The following SLC13A5 variants were observed in gnomAD, a reference collection of about 807,000 sequenced individuals.
SLC13A5 encodes Na(+)/citrate cotransporter.
A neutral mutation model predicts 56.5 loss-of-function variants in SLC13A5; 25 were observed. The ratio of observed to expected loss-of-function variants is 0.44; its 90% confidence interval spans 0.32 to 0.62. The LOEUF is 0.62. Ranked by LOEUF, SLC13A5 falls within the 20% of genes least tolerant of loss-of-function variation. The pLI, the probability that SLC13A5 is intolerant of heterozygous loss-of-function variation, is 0.04. For missense variants in SLC13A5, 649 were observed against 737.8 expected (o/e 0.88, Z 1.39); for synonymous variants, 307 against 301.5 (o/e 1.02, Z -0.19).
chr17:6,693,386 A>G (rs1973470557), intron 8 of SLC13A5: 1 of 424,448 alleles, frequency 2.4e-6, no homozygotes. Context: ...CACACTGCCA[A>G]TAGCATCGTA....
chr17:6,686,195 T>C lies in SLC13A5; in HGVS notation c.*12A>G. 1 of 1,614,112 alleles carries C rather than the reference T, an allele frequency of 6.2e-7. No individual in the cohort carries two copies. Among genetic ancestry groups the C allele is most frequent in the Non-Finnish European group, 8.5e-7 (1 of 1,179,972 alleles). On this transcript the variant is annotated 3_prime_UTR_variant, in exon 12 of 12. Coordinates refer to ENST00000433363, the MANE Select transcript of SLC13A5 (RefSeq NM_177550.5). Reference sequence around the variant, plus strand: ...GAGGGTAAGGGCTGTGTGTGTGGTCTTGTGGCTCTTCCTAAGTCTCAATAT... The same window carrying C: ...GAGGGTAAGGGCTGTGTGTGTGGTCCTGTGGCTCTTCCTAAGTCTCAATAT...
At position 6,692,972 on chromosome 17, in the gene SLC13A5, T is replaced by C; in HGVS notation, c.1275+72A>G. Reference sequence around the variant, plus strand: ...GCACAGAAACACACAAGCCCAGGGATGGAAGGGTGGAGAAACGCCACCCTC... The same window carrying C: ...GCACAGAAACACACAAGCCCAGGGACGGAAGGGTGGAGAAACGCCACCCTC... On this transcript the variant is annotated intron_variant, in intron 9 of 11. Transcript: ENST00000433363. This position sits in a 1 kb window ranked among gnomAD's most constrained non-coding sequence, Gnocchi z 5.5. The C allele has an allele frequency of 8.9e-7, 1 of 1,117,816 alleles. No homozygotes were observed. Among genetic ancestry groups the C allele is most frequent in the Non-Finnish European group, 1.4e-6 (1 of 727,458 alleles). 69.2% of individuals were successfully genotyped at this position (1,117,816 alleles called of 1,614,324 possible).
chr17:6,709,516 TCTCGGC>T lies in SLC13A5; in HGVS notation c.103-2366_103-2361del, dbSNP rs200844158. On this transcript the variant is annotated intron_variant, in intron 1 of 11. Coordinates refer to ENST00000433363, the MANE Select transcript of SLC13A5 (RefSeq NM_177550.5). ...ATCTCCTGGCCTCGTGATCCACCTG[TCTCGGC>T]CTCCCAAAGTGCTGGGATTACAGGC... Among the ~76,000 whole-genome samples, 1,279 of 152,140 alleles carry T rather than the reference TCTCGGC, an allele frequency of 8.4e-3. 14 individuals are homozygous for T. The highest frequency in any genetic ancestry group is 0.038 in the South Asian group (185 of 4,816).
At chr17:6,698,642 G>T (rs932727756) in intron 6 of SLC13A5, among the ~76,000 whole-genome samples, 3 of 152,254 alleles carry the variant, frequency 2.0e-5, no homozygotes, top group Non-Finnish European at 2.9e-5. Flanking sequence ...AAAGCTCTGT[G>T]TTGACCACAT....
intron 7 of SLC13A5, chr17:6,695,258 A>T (rs1445416527): frequency 6.2e-6 from 1 of 160,978 alleles, no homozygotes; most frequent in Admixed American, 6.1e-5. Flanking sequence ...AAACCAACAG[A>T]GTGCTCTCTG....
rs1973450767 is a variant in SLC13A5 at position 6,692,970 on chromosome 17, G to A, written c.1275+74C>T. 2 of 1,103,728 alleles carry A rather than the reference G, an allele frequency of 1.8e-6. No homozygotes were observed. Among genetic ancestry groups the A allele is most frequent in the East Asian group, 4.7e-5 (2 of 42,530 alleles). The allele number at this position is 1,103,728 out of a possible 1,614,324, so 68.4% of individuals were successfully genotyped here. On this transcript the variant is annotated intron_variant, in intron 9 of 11. Transcript: ENST00000433363. This position sits in a 1 kb window ranked among gnomAD's most constrained non-coding sequence, Gnocchi z 5.5. ...AGGCACAGAAACACACAAGCCCAGG[G>A]ATGGAAGGGTGGAGAAACGCCACCC...
chr17:6,687,703 A>T lies in SLC13A5; in HGVS notation c.1438-37T>A. 6.5e-7 allele frequency: 1 copy of T among 1,532,234 alleles called. No individual in the cohort carries two copies. Among genetic ancestry groups the T allele is most frequent in the Non-Finnish European group, 8.8e-7 (1 of 1,142,338 alleles). 94.9% of individuals were successfully genotyped at this position (1,532,234 alleles called of 1,614,324 possible). A position where few individuals can be genotyped will look rare whatever the true frequency, so the allele number is the denominator to read the frequency against. On this transcript the variant is annotated intron_variant, in intron 10 of 11. Coordinates refer to ENST00000433363, the MANE Select transcript of SLC13A5 (RefSeq NM_177550.5). This position sits in a 1 kb window ranked among gnomAD's most constrained non-coding sequence, Gnocchi z 5.0. ...CAGCACTGCAACATCACCGTACAGA[A>T]CACAGAAGCTCTTGGGGACGTGATT... is the stretch of plus-strand genomic sequence containing the variant.
chr17:6,696,641 G>C (rs1295689894), intron 6 of SLC13A5, among the ~76,000 whole-genome samples: 1 of 152,104 alleles, frequency 6.6e-6, no homozygotes, highest in Non-Finnish European at 1.5e-5. Context: ...TCTTGGAGGA[G>C]GTGTAAAGGG....
At chr17:6,702,887 C>CA (rs1446176388) in intron 5 of SLC13A5, 83 bp downstream of exon 5, 2 of 1,540,872 alleles carry the variant, frequency 1.3e-6, no homozygotes, top group African/African-American at 2.7e-5. Context: ...CAGGACTCTG[C>CA]AGAGGAGCAG....
In SLC13A5 at chr17:6,711,485, G is replaced by GGTGT. The variant is rs59197080; in HGVS notation, c.102+1743_102+1746dup. 0.15 allele frequency among the ~76,000 whole-genome samples: 21,501 copies of GGTGT among 148,092 alleles called. 1,586 individuals carry two copies. Among genetic ancestry groups the GGTGT allele is most frequent in the Non-Finnish European group, 0.17 (11,400 of 66,796 alleles). ...CACTGAGTTAGGGTTTCCAGTTCAGGGTGTGTGTGTGTGTGTGTGTGTATG... is the reference window on the plus strand; with the variant it reads ...CACTGAGTTAGGGTTTCCAGTTCAGGGTGTGTGTGTGTGTGTGTGTGTGTGTATG... On this transcript the variant is annotated intron_variant, in intron 1 of 11. Transcript: ENST00000433363. This position sits in a 1 kb window ranked among gnomAD's most constrained non-coding sequence, Gnocchi z 4.0.
Position 6,707,051 on chromosome 17 carries a change from A to G in SLC13A5, c.208T>C (p.Phe70Leu), listed in dbSNP as rs1458426377. The change falls in exon 2 of 12, where the codon TTC becomes CTC. Residue 70 changes from phenylalanine to leucine, a missense_variant. Physicochemically the swap from Phe to Leu is conservative, Grantham distance 22 (BLOSUM62 0). Transcript: ENST00000433363. The stretch of plus-strand genomic sequence containing the variant: ...ACCTGCCTGGAGTCCAGAATCTGGA[A>G]GAGTGGGAAAAGCAAGACAGGCATG... ...SLMPVLLFPL[F>L]QILDSRQVCV... is the part of the protein sequence containing the mutation. The G allele has an allele frequency of 1.9e-6, 3 of 1,614,050 alleles. No homozygotes were observed. The Admixed American group carries it at 5.0e-5, about 27-fold the overall frequency.
At position 6,707,130 on chromosome 17, in the gene SLC13A5, G is replaced by A; in HGVS notation, c.129C>T (p.Ile43=). ...CTGTGCACCAGTAAATGGCCATGAG[G>A]ATGATGACGTAGGCACACCTGACAA... ...AKFVRCAYVI[I]LMAIYWCTEV... The change falls in exon 2 of 12, where the codon ATC becomes ATT. Residue 43 remains isoleucine, a synonymous_variant. Coordinates refer to ENST00000433363, the MANE Select transcript of SLC13A5 (RefSeq NM_177550.5). The A allele has an allele frequency of 6.2e-7, 1 of 1,614,044 alleles. No homozygotes were observed. The highest frequency in any genetic ancestry group is 8.5e-7 in the Non-Finnish European group (1 of 1,180,012).
intron 2 of SLC13A5, 94 bp from the exon 3 acceptor site, chr17:6,706,872 G>C (rs189539209): frequency 1.9e-6 from 3 of 1,575,806 alleles, no homozygotes; most frequent in African/African-American, 1.3e-5. Flanking sequence ...ACAGCTTGGA[G>C]TGGGGATGCA....
At position 6,700,996 on chromosome 17, in the gene SLC13A5, A is replaced by C. The variant is rs775100779; in HGVS notation, c.839+8T>G. The C allele has an allele frequency of 5.6e-6, 9 of 1,614,120 alleles. No individual in the cohort carries two copies. The highest frequency in any genetic ancestry group is 1.1e-5 in the South Asian group (1 of 91,090). On this transcript the variant is annotated splice_region_variant and intron_variant, in intron 6 of 11. Coordinates refer to ENST00000433363, the MANE Select transcript of SLC13A5 (RefSeq NM_177550.5). ...GGCATAATTAGGCTGTGAGCAGCTC[A>C]AACTTACTTGAATCTCATGTAAACA...
chr17:6,713,178 T>G lies in SLC13A5; in HGVS notation c.102+54A>C. The G allele has an allele frequency of 6.5e-7, 1 of 1,537,676 alleles. No homozygotes were observed. The highest frequency in any genetic ancestry group is 9.0e-7 in the Non-Finnish European group (1 of 1,116,606). On this transcript the variant is annotated intron_variant, in intron 1 of 11. Transcript: ENST00000433363. This position sits in a 1 kb window ranked among gnomAD's most constrained non-coding sequence, Gnocchi z 7.3. ...TCAGGGCTCCCGGGATCGGTGCCCG[T>G]TAGTGGGCACAGGACGCCGGGTGTC... is the stretch of plus-strand genomic sequence containing the variant.
chr17:6,703,005 C>T lies in SLC13A5; in HGVS notation c.681G>A (p.Thr227=), dbSNP rs139698810. 2.0e-4 allele frequency: 317 copies of T among 1,614,098 alleles called. No homozygotes were observed. The highest frequency in any genetic ancestry group is 2.6e-4 in the Non-Finnish European group (307 of 1,180,050). ...SIGGTATLTG[T]GPNVVLLGQM... ...GGCCCAGGAGCACCACGTTGGGTCCCGTCCCGGTCAGGGTGGCGGTGCCCC... is the reference window on the plus strand; with the variant it reads ...GGCCCAGGAGCACCACGTTGGGTCCTGTCCCGGTCAGGGTGGCGGTGCCCC... The change falls in exon 5 of 12, where the codon ACG becomes ACA. Residue 227 remains threonine (T), a synonymous_variant. Coordinates refer to ENST00000433363, the MANE Select transcript of SLC13A5 (RefSeq NM_177550.5).
chr17:6,703,921 G>A lies in SLC13A5; in HGVS notation c.504C>T (p.Ala168=), dbSNP rs141506210. ...QMEATSAATE[A]GLELVDKGKA... is the part of the protein sequence containing the mutation. ...TGCCCTTGTCCACCAGCTCCAGGCCGGCCTCGGTGGCTGCGCTTGTGGCTT... is the reference window on the plus strand; with the variant it reads ...TGCCCTTGTCCACCAGCTCCAGGCCAGCCTCGGTGGCTGCGCTTGTGGCTT... Residue 168 remains alanine, a synonymous_variant, in exon 4 of 12, where the codon GCC becomes GCT. Transcript: ENST00000433363. The A allele has an allele frequency of 6.4e-5, 102 of 1,591,798 alleles. No homozygotes were observed. Among genetic ancestry groups the A allele is most frequent in the African/African-American group, 5.0e-4 (37 of 74,740 alleles).
Position 6,687,754 on chromosome 17 carries a change from G to C in SLC13A5, c.1438-88C>G. 2.1e-6 allele frequency: 3 copies of C among 1,446,150 alleles called. No individual in the cohort carries two copies. The highest frequency in any genetic ancestry group is 2.7e-6 in the Non-Finnish European group (3 of 1,095,978). The allele number at this position is 1,446,150 out of a possible 1,614,324, so 89.6% of individuals were successfully genotyped here. A position where few individuals can be genotyped will look rare whatever the true frequency, so the allele number is the denominator to read the frequency against. On this transcript the variant is annotated intron_variant, in intron 10 of 11. Coordinates refer to ENST00000433363, the MANE Select transcript of SLC13A5 (RefSeq NM_177550.5). This position sits in a 1 kb window ranked among gnomAD's most constrained non-coding sequence, Gnocchi z 5.0. ...CTGAAAAGGATTCTCTGAATGTGCCGGGTACGTTTGAACCTCTGTGCCTCA... is the reference window on the plus strand; with the variant it reads ...CTGAAAAGGATTCTCTGAATGTGCCCGGTACGTTTGAACCTCTGTGCCTCA...
rs1451066849 is a variant in SLC13A5, at chr17:6,685,156, A to T, written c.*1051T>A. On this transcript the variant is annotated 3_prime_UTR_variant, in exon 12 of 12. Coordinates refer to ENST00000433363, the MANE Select transcript of SLC13A5 (RefSeq NM_177550.5). The surrounding 1 kb of genome is among the most constrained non-coding windows in gnomAD (Gnocchi z 4.2). ...GCCATGGCTGTGAAGGCCAGTCAACAAAGGGAAGATTTTACCCAGAGGAGC... is the reference window on the plus strand; with the variant it reads ...GCCATGGCTGTGAAGGCCAGTCAACTAAGGGAAGATTTTACCCAGAGGAGC... The T allele has an allele frequency of 1.3e-5, 2 of 152,272 alleles. No homozygotes were observed. Among genetic ancestry groups the T allele is most frequent in the Non-Finnish European group, 2.9e-5 (2 of 68,082 alleles). The allele number at this position is 152,272 out of a possible 1,614,324, so 9.4% of individuals were successfully genotyped here.
Sources: allele counts gnomAD v4.1 joint callset (sites outside exome capture counted in the v4.1 genomes callset), GRCh38; gene constraint gnomAD v4.1.1; non-coding constraint Gnocchi (gnomAD v3.1); transcripts MANE v1.5; gene names NCBI Gene and HGNC (gene_info 2026-07-23, HGNC 2026-07-21).